The following PIGZ variants were observed in gnomAD, a reference collection of about 807,000 sequenced individuals.
The protein encoded by PIGZ is phosphatidylinositol glycan anchor biosynthesis class Z (Gwada blood group).
Under a neutral mutation model 16.4 loss-of-function variants are expected in PIGZ, and 16 were observed. The observed-to-expected ratio is 0.97, with a 90% CI of 0.66 to 1.48. The LOEUF (loss-of-function observed/expected upper bound fraction) is 1.48, where lower values mean the gene tolerates loss of function less well. Ranked by LOEUF, PIGZ falls within the 40% of genes most tolerant of loss-of-function variation. PIGZ has a pLI of 0.00. For missense variants in PIGZ, 770 were observed against 739.2 expected (o/e 1.04, Z -0.48); for synonymous variants, 409 against 338.4 (o/e 1.21, Z -2.29).
In PIGZ at chr3:196,948,553, G is replaced by A. The variant is rs199852771; in HGVS notation, c.344C>T (p.Pro115Leu). ...WLLRLWEELG[P>L]WPGLVSGYAL... ...ATAGCCGCTCACCAGGCCAGGCCAC[G>A]GCCCCAGCTCCTCCCAGAGCCTGAG... The change falls in exon 3 of 3, where the codon CCG becomes CTG. Residue 115 changes from proline (P) to leucine (L), a missense_variant. By Grantham distance (98) the Pro-to-Leu change is moderately conservative. Coordinates refer to ENST00000412723, the MANE Select transcript of PIGZ (RefSeq NM_025163.4). 390 of 1,602,802 alleles carry A rather than the reference G, an allele frequency of 2.4e-4. No individual in the cohort carries two copies. Among genetic ancestry groups the A allele is most frequent in the Non-Finnish European group, 2.9e-4 (346 of 1,175,098 alleles).
At chr3:196,961,201 C>T (rs546320913) in intron 1 of PIGZ, among the ~76,000 whole-genome samples, 31 of 152,266 alleles carry the variant, frequency 2.0e-4, no homozygotes, top group African/African-American at 7.0e-4. Flanking sequence ...GTGCTGTGTT[C>T]TTGAATGCAA....
chr3:196,963,105 T>C (rs1717786908), intron 1 of PIGZ, among the ~76,000 whole-genome samples: 1 of 152,242 alleles, frequency 6.6e-6, no homozygotes, highest in Non-Finnish European at 1.5e-5. Flanking sequence ...GTTTTCGTGG[T>C]TCGTCCGTGT....
intron 1 of PIGZ, among the ~76,000 whole-genome samples, chr3:196,959,974 T>C (rs1202069380): frequency 1.3e-5 from 2 of 152,238 alleles, no homozygotes; most frequent in Non-Finnish European, 2.9e-5. Context: ...CAGTTTTCTT[T>C]GTTTTCTCCT....
At position 196,947,082 on chromosome 3, in the gene PIGZ, C is replaced by G. The variant is rs114437158; in HGVS notation, c.*75G>C. 1,370 of 1,393,772 alleles carry G rather than the reference C, an allele frequency of 9.8e-4. 1 individual carries two copies. The African/African-American group carries it at 0.018, about 18-fold the overall frequency. The allele number at this position is 1,393,772 out of a possible 1,614,324, so 86.3% of individuals were successfully genotyped here. A position where few individuals can be genotyped will look rare whatever the true frequency, so the allele number is the denominator to read the frequency against. On this transcript the variant is annotated 3_prime_UTR_variant, in exon 3 of 3. Coordinates refer to ENST00000412723, the MANE Select transcript of PIGZ (RefSeq NM_025163.4). ...ACGGGGTCCTGTCCCAGCGTCCCAG[C>G]CCAGCTACCCAAGTAGAAGGTGGGG... is the stretch of plus-strand genomic sequence containing the variant.
Position 196,947,395 on chromosome 3 carries a change from C to G in PIGZ, c.1502G>C (p.Ser501Thr). The G allele has an allele frequency of 1.2e-6, 2 of 1,614,024 alleles. No homozygotes were observed. The highest frequency in any genetic ancestry group is 2.2e-5 in the East Asian group (1 of 44,888). Reference sequence around the variant, plus strand: ...TTGGCAGGCTGGTTGTCTGGTGAAGCTTTTCAGGGTTTGGCACAGGGCCCA... The same window carrying G: ...TTGGCAGGCTGGTTGTCTGGTGAAGGTTTTCAGGGTTTGGCACAGGGCCCA... ...EDWALCQTLK[S>T]FTRQPACQVA... Residue 501 changes from serine (S) to threonine (T), a missense_variant, in exon 3 of 3, where the codon AGC (serine) becomes ACC (threonine). By Grantham distance (58) the Ser-to-Thr change is moderately conservative. Transcript: ENST00000412723.
intron 2 of PIGZ, among the ~76,000 whole-genome samples, 172 bp from the exon 3 acceptor site, chr3:196,948,857 C>CCCTTCCTTTCCTTCCTTCCTTT (rs879820383): frequency 4.2e-5 from 5 of 118,954 alleles, no homozygotes; most frequent in African/African-American, 1.8e-4. Flanking sequence ...CTCCTTCTTT[C>CCCTTCCTTTCCTTCCTTCCTTT]CCTTCCTTCC....
At chr3:196,952,931 C>G (rs1717347531) in intron 1 of PIGZ, among the ~76,000 whole-genome samples, 1 of 152,176 alleles carries the variant, frequency 6.6e-6, no homozygotes, top group Admixed American at 6.5e-5. Flanking sequence ...GACTCTATGT[C>G]TCACACCAGT....
chr3:196,952,524 A>G (rs28498807), intron 1 of PIGZ, among the ~76,000 whole-genome samples: 57,233 of 152,088 alleles, frequency 0.38, 11,906 homozygotes, highest in East Asian at 0.83. Context: ...CGCAACCTCC[A>G]CCTCCCAGGT....
At chr3:196,955,794 G>T (rs900640397) in intron 1 of PIGZ, among the ~76,000 whole-genome samples, 10 of 151,750 alleles carry the variant, frequency 6.6e-5, no homozygotes, top group Non-Finnish European at 1.2e-4. Flanking sequence ...GGCCATGCTG[G>T]TCTCGAACTC....
At position 196,947,716 on chromosome 3, in the gene PIGZ, G is replaced by A; in HGVS notation, c.1181C>T (p.Pro394Leu). The change falls in exon 3 of 3, where the codon CCC (proline) becomes CTC (leucine). Residue 394 changes from proline to leucine, a missense_variant. Pro to Leu is a moderately conservative substitution (Grantham distance 98). Coordinates refer to ENST00000412723, the MANE Select transcript of PIGZ (RefSeq NM_025163.4). ...FSHQEARFLI[P>L]LLVPLVLLCS... is the part of the protein sequence containing the mutation. ...AAGCAGGACCAGGGGGACCAGGAGGGGAATCAGGAACCGAGCCTCCTGGTG... is the reference window on the plus strand; with the variant it reads ...AAGCAGGACCAGGGGGACCAGGAGGAGAATCAGGAACCGAGCCTCCTGGTG... The A allele has an allele frequency of 3.7e-6, 6 of 1,613,212 alleles. No individual in the cohort carries two copies. Among genetic ancestry groups the A allele is most frequent in the Non-Finnish European group, 4.2e-6 (5 of 1,179,602 alleles).
chr3:196,954,702 G>A (rs1717413735), intron 1 of PIGZ, among the ~76,000 whole-genome samples: 1 of 152,178 alleles, frequency 6.6e-6, no homozygotes, highest in Non-Finnish European at 1.5e-5. Context: ...ACTGTACACT[G>A]CAAGTTTTGC....
At chr3:196,964,920 C>A (rs1461305543) in intron 1 of PIGZ, among the ~76,000 whole-genome samples, 1 of 152,094 alleles carries the variant, frequency 6.6e-6, no homozygotes, top group African/African-American at 2.4e-5. Flanking sequence ...CAAAAGGTAA[C>A]GGAACTACTA....
In PIGZ at chr3:196,949,024, C is replaced by T. The variant is rs1560181624; in HGVS notation, c.212-339G>A. Among the ~76,000 whole-genome samples the T allele has an allele frequency of 4.4e-4, 35 of 80,310 alleles. 1 individual carries two copies. Among genetic ancestry groups the T allele is most frequent in the Non-Finnish European group, 5.9e-4 (29 of 49,446 alleles). The allele number at this position is 80,310 out of a possible 152,430, so 52.7% of individuals were successfully genotyped here. A position where few individuals can be genotyped will look rare whatever the true frequency, so the allele number is the denominator to read the frequency against. On this transcript the variant is annotated intron_variant, in intron 2 of 2. Transcript: ENST00000412723. Reference sequence around the variant, plus strand: ...TACTTCTCTTTCCCTCCCCTCCCTTCCCTTCCTTCCCTTCCTTCCTTCCCT... The same window carrying T: ...TACTTCTCTTTCCCTCCCCTCCCTTTCCTTCCTTCCCTTCCTTCCTTCCCT...
intron 1 of PIGZ, among the ~76,000 whole-genome samples, chr3:196,967,147 C>T (rs1303594682): frequency 6.9e-6 from 1 of 144,012 alleles, no homozygotes; most frequent in Non-Finnish European, 1.5e-5. Context: ...ATCTGCGGGG[C>T]GGGAGGAGGG....
intron 1 of PIGZ, among the ~76,000 whole-genome samples, chr3:196,963,133 C>A (rs550108325): frequency 6.6e-6 from 1 of 152,176 alleles, no homozygotes; most frequent in African/African-American, 2.4e-5. Context: ...GGTATCACTA[C>A]GTCCTTACTT....
chr3:196,946,814 A>C lies in PIGZ; in HGVS notation c.*343T>G, dbSNP rs1005116129. On this transcript the variant is annotated 3_prime_UTR_variant, in exon 3 of 3. Transcript: ENST00000412723. ...TTGGGAGAGGTCATTGAGGAATGTCACTAGCAGTTCATTGTCTTTTTTCAC... is the reference window on the plus strand; with the variant it reads ...TTGGGAGAGGTCATTGAGGAATGTCCCTAGCAGTTCATTGTCTTTTTTCAC... 1.3e-5 allele frequency: 3 copies of C among 226,374 alleles called. No individual in the cohort carries two copies. The highest frequency in any genetic ancestry group is 2.6e-5 in the Non-Finnish European group (3 of 116,014). 14.0% of individuals were successfully genotyped at this position (226,374 alleles called of 1,614,324 possible).
chr3:196,955,576 CTT>C (rs56983600), intron 1 of PIGZ, among the ~76,000 whole-genome samples: 28 of 42,556 alleles, frequency 6.6e-4, no homozygotes, highest in Middle Eastern at 0.019. Context: ...TTCTTTCTTT[CTT>C]TTTTTTTTTT....
At chr3:196,953,089 A>C (rs1044013378) in intron 1 of PIGZ, among the ~76,000 whole-genome samples, 2 of 152,206 alleles carry the variant, frequency 1.3e-5, no homozygotes, top group African/African-American at 4.8e-5. Context: ...CAGGTGTCAG[A>C]TTGTGGGACT....
intron 1 of PIGZ, among the ~76,000 whole-genome samples, chr3:196,966,515 A>G (rs1717932054): frequency 6.6e-6 from 1 of 152,194 alleles, no homozygotes; most frequent in South Asian, 2.1e-4. Flanking sequence ...GAGGTCTCCC[A>G]GGCATGGAGT....
Sources: allele counts gnomAD v4.1 joint callset (sites outside exome capture counted in the v4.1 genomes callset), GRCh38; gene constraint gnomAD v4.1.1; transcripts MANE v1.5; gene names NCBI Gene and HGNC (gene_info 2026-07-23, HGNC 2026-07-21).